GOLM1: variants seen among roughly 807,000 people sequenced by gnomAD.
The protein encoded by GOLM1 is epididymis luminal protein 46.
GOLM1 carries 31 observed loss-of-function variants against 50.5 expected under a neutral mutation model. The observed-to-expected ratio is 0.61, with a 90% CI of 0.46 to 0.83. The LOEUF is 0.83. GOLM1 is among the 40% of genes least tolerant of loss of function. The probability of loss-of-function intolerance (pLI) is 0.00; values close to 1 mark genes in which losing one functional copy is unlikely to be tolerated. For missense variants in GOLM1, 491 were observed against 501.3 expected, an observed-to-expected ratio of 0.98 and a Z score of 0.20; for synonymous variants, 178 against 192.8, an observed-to-expected ratio of 0.92 and a Z score of 0.64.
chr9:86,045,574 C>T (rs1833509462), intron 5 of GOLM1, among the ~76,000 whole-genome samples: 1 of 150,978 alleles, frequency 6.6e-6, no homozygotes, highest in African/African-American at 2.4e-5. Flanking sequence ...ACTCAGGAGG[C>T]TGAGGCATGA....
At chr9:86,057,355 C>G (rs550196453) in intron 3 of GOLM1, among the ~76,000 whole-genome samples, 1 of 152,022 alleles carries the variant, frequency 6.6e-6, no homozygotes, top group African/African-American at 2.4e-5. Flanking sequence ...TTTAAAAATA[C>G]TAATATTTGA....
intron 3 of GOLM1, among the ~76,000 whole-genome samples, chr9:86,068,504 G>A (rs1415718198): frequency 1.3e-5 from 2 of 152,228 alleles, no homozygotes; most frequent in East Asian, 3.9e-4. Context: ...AAAAGGGAGT[G>A]TAGGTGTCTT....
intron 4 of GOLM1, 124 bp from the exon 5 acceptor site, chr9:86,046,696 G>A (rs1018221735): frequency 1.5e-6 from 1 of 676,638 alleles, no homozygotes; most frequent in Non-Finnish European, 2.7e-6. Flanking sequence ...TGGGACAAAG[G>A]AGGGGAGAGA....
intron 3 of GOLM1, among the ~76,000 whole-genome samples, chr9:86,059,392 C>T (rs1834087640): frequency 6.6e-6 from 1 of 152,190 alleles, no homozygotes; most frequent in Non-Finnish European, 1.5e-5. Context: ...ACACATGCTA[C>T]AACACGGATG....
At chr9:86,029,938 G>C (rs1176105254) in intron 9 of GOLM1, among the ~76,000 whole-genome samples, 1 of 152,204 alleles carries the variant, frequency 6.6e-6, no homozygotes, top group Non-Finnish European at 1.5e-5. Flanking sequence ...TAGAGCCGGG[G>C]TGGTGGCTCA....
Position 86,079,242 on chromosome 9 carries a change from C to T in GOLM1, c.79G>A (p.Val27Ile), listed in dbSNP as rs773442616. 1.4e-5 allele frequency: 22 copies of T among 1,610,364 alleles called. No individual in the cohort carries two copies. Among genetic ancestry groups the T allele is most frequent in the Middle Eastern group, 1.7e-4 (1 of 6,046 alleles). The change falls in exon 2 of 10, where the codon GTC (valine) becomes ATC (isoleucine). Residue 27 changes from valine to isoleucine, a missense_variant. Transcript: ENST00000388712. ...GCAATCCAGTAGTTGAAGCCCAAGA[C>T]GATGATGCAGGCCACCAGGGCGGCC... ...VLAALVACII[V>I]LGFNYWIASS...
At chr9:86,056,865 A>G (rs1034494387) in intron 3 of GOLM1, among the ~76,000 whole-genome samples, 5 of 152,244 alleles carry the variant, frequency 3.3e-5, no homozygotes, top group East Asian at 1.9e-4. Flanking sequence ...CAGTGGCGCT[A>G]TCATAGCTCA....
chr9:86,082,317 T>C (rs145482881), intron 1 of GOLM1, among the ~76,000 whole-genome samples: 1,512 of 151,162 alleles, frequency 0.01, 30 homozygotes, highest in African/African-American at 0.032. Context: ...TGAGCCACCG[T>C]GCCCAGCCTG....
At position 86,027,688 on chromosome 9, in the gene GOLM1, T is replaced by G; in HGVS notation, c.*129A>C. On this transcript the variant is annotated 3_prime_UTR_variant, in exon 10 of 10. Transcript: ENST00000388712. ...TTCCTACACAAAGTGCATACTAAAATTTCACAATAATCATCTTCAGATGTA... is the reference window on the plus strand; with the variant it reads ...TTCCTACACAAAGTGCATACTAAAAGTTCACAATAATCATCTTCAGATGTA... The G allele has an allele frequency of 1.9e-5, 27 of 1,425,888 alleles. No homozygotes were observed. Among genetic ancestry groups the G allele is most frequent in the Non-Finnish European group, 2.4e-5 (26 of 1,090,312 alleles). The allele number at this position is 1,425,888 out of a possible 1,614,324, so 88.3% of individuals were successfully genotyped here.
chr9:86,064,886 C>T (rs764789088), intron 3 of GOLM1, among the ~76,000 whole-genome samples: 1 of 152,196 alleles, frequency 6.6e-6, no homozygotes, highest in African/African-American at 2.4e-5. Context: ...TCCTGAACCA[C>T]AAAGGCTCGG....
At chr9:86,049,099 C>T (rs1031405726) in intron 4 of GOLM1, among the ~76,000 whole-genome samples, 1 of 152,164 alleles carries the variant, frequency 6.6e-6, no homozygotes, top group African/African-American at 2.4e-5. Flanking sequence ...ATATGGATAG[C>T]CAGTTTTCCC....
intron 9 of GOLM1, 42 bp downstream of exon 9, chr9:86,033,240 A>G: frequency 9.2e-7 from 1 of 1,084,156 alleles, no homozygotes; most frequent in Non-Finnish European, 1.4e-6. Flanking sequence ...AGGAAAGAGA[A>G]ATGAAAGGTG....
chr9:86,033,426 CATCATTTCTG>C, intron 8 of GOLM1, 31 bp from the exon 9 acceptor site: 1 of 1,326,062 alleles, frequency 7.5e-7, no homozygotes, highest in South Asian at 1.2e-5. Flanking sequence ...ACATAAGCTA[CATCATTTCTG>C]TCTTGATGTC....
chr9:86,081,533 G>A (rs1014480087), intron 1 of GOLM1, among the ~76,000 whole-genome samples: 1 of 152,106 alleles, frequency 6.6e-6, no homozygotes, highest in Non-Finnish European at 1.5e-5. Context: ...AAATACAAGA[G>A]GGGGTGGCAG....
intron 5 of GOLM1, among the ~76,000 whole-genome samples, chr9:86,045,555 G>C (rs190576534): frequency 5.3e-5 from 8 of 151,188 alleles, no homozygotes; most frequent in Admixed American, 5.3e-4. Context: ...GGCACCTGTA[G>C]TCCCAGCTAC....
At chr9:86,094,691 A>T (rs1265320171) in intron 1 of GOLM1, among the ~76,000 whole-genome samples, 5 of 152,226 alleles carry the variant, frequency 3.3e-5, no homozygotes, top group Admixed American at 2.0e-4. Flanking sequence ...GCACTTTGGT[A>T]GGCTGAGGCA....
intron 3 of GOLM1, among the ~76,000 whole-genome samples, chr9:86,069,480 A>T (rs1463222400): frequency 6.6e-6 from 1 of 152,234 alleles, no homozygotes; most frequent in African/African-American, 2.4e-5. Context: ...TGGCAGCTCA[A>T]TCCCCAAGAA....
At chr9:86,077,700 TTA>T in intron 2 of GOLM1, 109 bp from the exon 3 acceptor site, 1 of 726,880 alleles carries the variant, frequency 1.4e-6, no homozygotes, top group South Asian at 1.7e-5. Context: ...AGCACCAGTC[TTA>T]TACACACAAG....
chr9:86,041,602 G>GC (rs1833354022), intron 5 of GOLM1, among the ~76,000 whole-genome samples: 1 of 152,212 alleles, frequency 6.6e-6, no homozygotes, highest in Admixed American at 6.5e-5. Context: ...CCACTGGGCT[G>GC]TTCTGTAAAA....
Sources: gnomAD v4.1 joint callset for allele counts (sites outside exome capture counted in the v4.1 genomes callset) on GRCh38, gnomAD v4.1.1 for gene constraint, MANE v1.5 for transcripts, NCBI Gene and HGNC (gene_info 2026-07-23, HGNC 2026-07-21) for gene names.